The following PCLO variants were observed in gnomAD, a reference collection of about 807,000 sequenced individuals.
PCLO encodes the protein protein piccolo.
A neutral mutation model predicts 427.5 loss-of-function variants in PCLO; 82 were observed. The observed-to-expected ratio is 0.19, with a 90% CI of 0.16 to 0.23. The LOEUF (loss-of-function observed/expected upper bound fraction) is 0.23. Among genes scored for constraint, PCLO ranks in the 10% least tolerant of loss-of-function variants. The pLI is 1.00. For missense variants in PCLO, 6,239 were observed against 6,115.9 expected, an observed-to-expected ratio of 1.02 and a Z score of -0.67; for synonymous variants, 2,357 against 2,155.4, an observed-to-expected ratio of 1.09 and a Z score of -2.59.
intron 3 of PCLO, among the ~76,000 whole-genome samples, chr7:83,080,760 G>A (rs10808303): frequency 0.28 from 42,744 of 151,688 alleles, 7,103 homozygotes; most frequent in East Asian, 0.56. Flanking sequence ...GAATTACAAT[G>A]GTTCCCCCTT....
chr7:82,941,905 A>G (rs1795095744), intron 6 of PCLO, among the ~76,000 whole-genome samples: 1 of 152,344 alleles, frequency 6.6e-6, no homozygotes, highest in African/African-American at 2.4e-5. Flanking sequence ...GTGGCCAGGC[A>G]CAGTGGCTCA....
chr7:83,093,101 T>C (rs1482197964), intron 3 of PCLO, among the ~76,000 whole-genome samples: 1 of 152,102 alleles, frequency 6.6e-6, no homozygotes, highest in Admixed American at 6.6e-5. Context: ...CTAAATTTCA[T>C]AAATCCAGAA....
intron 9 of PCLO, among the ~76,000 whole-genome samples, chr7:82,900,558 T>C (rs934982421): frequency 3.3e-5 from 5 of 151,122 alleles, no homozygotes; most frequent in African/African-American, 1.2e-4. Context: ...GGACTATTGA[T>C]TGTAATATAA....
chr7:82,823,311 T>A (rs1399152812), intron 19 of PCLO, among the ~76,000 whole-genome samples: 1 of 152,166 alleles, frequency 6.6e-6, no homozygotes, highest in Non-Finnish European at 1.5e-5. Context: ...CTACTGGACA[T>A]GGACTCACTT....
chr7:83,026,712 T>G (rs1194451526), intron 3 of PCLO, among the ~76,000 whole-genome samples: 3 of 151,672 alleles, frequency 2.0e-5, no homozygotes, highest in Non-Finnish European at 4.4e-5. Flanking sequence ...GAAGTAAAGC[T>G]CTCCTCAGCA....
chr7:82,769,790 T>C (rs1344420358), intron 22 of PCLO, among the ~76,000 whole-genome samples: 1 of 152,140 alleles, frequency 6.6e-6, no homozygotes. Flanking sequence ...GAAGTCTGAA[T>C]TGGTGTCTGA....
At chr7:82,767,485 A>C (rs1402694530) in intron 22 of PCLO, among the ~76,000 whole-genome samples, 4 of 152,114 alleles carry the variant, frequency 2.6e-5, no homozygotes, top group Non-Finnish European at 5.9e-5. Flanking sequence ...ACATTTTAAA[A>C]CTATTAGTGA....
intron 2 of PCLO, among the ~76,000 whole-genome samples, chr7:83,146,675 C>A (rs1211104781): frequency 1.3e-5 from 2 of 151,748 alleles, no homozygotes; most frequent in East Asian, 1.9e-4. Flanking sequence ...AGGCTCACTG[C>A]AACCTCTGCC....
At chr7:82,794,840 C>A (rs1253926702) in intron 22 of PCLO, among the ~76,000 whole-genome samples, 1 of 151,846 alleles carries the variant, frequency 6.6e-6, no homozygotes, top group Non-Finnish European at 1.5e-5. Flanking sequence ...CATGGGAGAT[C>A]CTTATTTAGT....
At chr7:83,077,686 G>A (rs577176412) in intron 3 of PCLO, among the ~76,000 whole-genome samples, 15 of 152,192 alleles carry the variant, frequency 9.9e-5, no homozygotes, top group South Asian at 6.2e-4. Context: ...GCCAGGAGGC[G>A]TTCTCCCTGT....
At chr7:82,815,798 C>G (rs1198902326) in intron 20 of PCLO, among the ~76,000 whole-genome samples, 3 of 151,940 alleles carry the variant, frequency 2.0e-5, no homozygotes, top group Non-Finnish European at 4.4e-5. Context: ...TAAAAACCAC[C>G]ATTACTTTTT....
chr7:82,831,126 A>T (rs1421494956), intron 16 of PCLO, among the ~76,000 whole-genome samples: 2 of 152,186 alleles, frequency 1.3e-5, no homozygotes, highest in East Asian at 3.9e-4. Flanking sequence ...TCATGTGTTA[A>T]CTCATGTAAT....
At chr7:83,095,390 T>C (rs1186927061) in intron 3 of PCLO, among the ~76,000 whole-genome samples, 1 of 151,990 alleles carries the variant, frequency 6.6e-6, no homozygotes, top group Non-Finnish European at 1.5e-5. Flanking sequence ...AGTTCCTTGT[T>C]TTATTGATTT....
At chr7:82,995,819 T>C (rs1796482115) in intron 3 of PCLO, among the ~76,000 whole-genome samples, 2 of 151,968 alleles carry the variant, frequency 1.3e-5, no homozygotes, top group Non-Finnish European at 2.9e-5. Flanking sequence ...ATAAAGTACT[T>C]AGATCCATGC....
At position 82,955,805 on chromosome 7, in the gene PCLO, T is replaced by A. The variant is rs1300112769; in HGVS notation, c.5148A>T (p.Gly1716=). 2 of 1,613,958 alleles carry A rather than the reference T, an allele frequency of 1.2e-6. No homozygotes were observed. The highest frequency in any genetic ancestry group is 8.5e-7 in the Non-Finnish European group (1 of 1,179,882). The change falls in exon 5 of 25, where the codon GGA becomes GGT. Residue 1716 remains glycine (G), a synonymous_variant. Coordinates refer to ENST00000333891, the MANE Select transcript of PCLO (RefSeq NM_033026.6). The part of the protein sequence containing the change: ...DSPEDRSRGE[G]SSSLHASSFT... Reference sequence around the variant, plus strand: ...AGCTGGAAGCATGCAGACTCGAAGATCCCTCTCCCCTTGACCTATCTTCAG... The same window carrying A: ...AGCTGGAAGCATGCAGACTCGAAGAACCCTCTCCCCTTGACCTATCTTCAG...
intron 10 of PCLO, among the ~76,000 whole-genome samples, chr7:82,879,085 A>G (rs1793438714): frequency 6.6e-6 from 1 of 152,198 alleles, no homozygotes; most frequent in African/African-American, 2.4e-5. Flanking sequence ...AGTCAGTAAA[A>G]AAGTTTTGAC....
chr7:83,068,800 T>A (rs916443198), intron 3 of PCLO, among the ~76,000 whole-genome samples: 2 of 152,148 alleles, frequency 1.3e-5, no homozygotes, highest in African/African-American at 4.8e-5. Flanking sequence ...ATGAAACCTG[T>A]ATTTTGAAGA....
chr7:83,037,989 TTATATATATA>T (rs1161030427), intron 3 of PCLO, among the ~76,000 whole-genome samples: 591 of 13,586 alleles, frequency 0.044, 53 homozygotes, highest in Non-Finnish European at 0.056. Context: ...AAGGAGGAGC[TTATATATATA>T]TATATATATA....
At chr7:82,820,989 C>A in intron 20 of PCLO, 3 of 1,225,430 alleles carry the variant, frequency 2.4e-6, no homozygotes, top group Non-Finnish European at 3.0e-6. Flanking sequence ...ATGCCATGCC[C>A]ACAAAAGCAC....
Sources: allele counts gnomAD v4.1 joint callset (sites outside exome capture counted in the v4.1 genomes callset), GRCh38; gene constraint gnomAD v4.1.1; transcripts MANE v1.5; gene names NCBI Gene and HGNC (gene_info 2026-07-23, HGNC 2026-07-21).